Variants in CTNNA2 observed in about 807,000 individuals in gnomAD.
CTNNA2 encodes the protein catenin alpha-2.
A neutral mutation model predicts 101.0 loss-of-function variants in CTNNA2; 42 were observed. That is an observed-to-expected ratio of 0.42 (90% CI 0.32 to 0.54). The LOEUF (loss-of-function observed/expected upper bound fraction) is 0.54. Among genes scored for constraint, CTNNA2 ranks in the 20% least tolerant of loss-of-function variants. The probability of loss-of-function intolerance (pLI) is 0.14; values close to 1 mark genes in which losing one functional copy is unlikely to be tolerated. For synonymous variants in CTNNA2, 450 were observed against 456.4 expected (o/e 0.99, Z 0.18); for missense variants, 871 against 1,223.1 (o/e 0.71, Z 4.29).
rs199975872 is a variant in CTNNA2, at chr2:79,193,875, CA to C, written c.-523-4083del. Among the ~76,000 whole-genome samples the C allele has an allele frequency of 6.3e-3, 963 of 152,272 alleles. 9 individuals are homozygous for C. Among genetic ancestry groups the C allele is most frequent in the African/African-American group, 0.022 (909 of 41,550 alleles). On this transcript the variant is annotated intron_variant, in intron 1 of 21. Transcript: ENST00000466387. ...AGGGATAATAATGGTACCTACTTCA[CA>C]GGGTAGTTTTGAGGATTAAGTGGGT... is the stretch of plus-strand genomic sequence containing the variant.
At chr2:80,260,200 C>T (rs972985478) in intron 7 of CTNNA2, among the ~76,000 whole-genome samples, 2 of 152,148 alleles carry the variant, frequency 1.3e-5, no homozygotes, top group Admixed American at 6.5e-5. Context: ...GCACTCTCAA[C>T]CATCATTGCT....
intron 7 of CTNNA2, among the ~76,000 whole-genome samples, chr2:80,300,955 A>G (rs1157334214): frequency 6.6e-6 from 1 of 152,070 alleles, no homozygotes; most frequent in Non-Finnish European, 1.5e-5. Context: ...CACAGAAAAA[A>G]AAAAAAGGGA....
At chr2:80,101,770 T>C (rs79114546) in intron 7 of CTNNA2, among the ~76,000 whole-genome samples, 1 of 152,114 alleles carries the variant, frequency 6.6e-6, no homozygotes, top group South Asian at 2.1e-4. Context: ...AGTTAATTGA[T>C]TAGAGATACA....
chr2:80,152,062 G>T (rs1703736030), intron 7 of CTNNA2, among the ~76,000 whole-genome samples: 1 of 152,206 alleles, frequency 6.6e-6, no homozygotes, highest in Non-Finnish European at 1.5e-5. Flanking sequence ...CCAATAAAGG[G>T]GAGAGAGGAA....
At chr2:79,497,599 C>T (rs756400204) in intron 4 of CTNNA2, among the ~76,000 whole-genome samples, 3 of 152,144 alleles carry the variant, frequency 2.0e-5, no homozygotes, top group Non-Finnish European at 2.9e-5. Context: ...GTTAACCTAG[C>T]ACACCCATGT....
chr2:80,328,209 T>G (rs914757103), intron 7 of CTNNA2: 3 of 460,056 alleles, frequency 6.5e-6, no homozygotes, highest in African/African-American at 6.0e-5. Flanking sequence ...ACTGCTTTTT[T>G]GGGTTTTGTC....
intron 4 of CTNNA2, among the ~76,000 whole-genome samples, chr2:79,376,748 T>A (rs1292635943): frequency 2.6e-5 from 4 of 152,132 alleles, no homozygotes; most frequent in Admixed American, 6.5e-5. Context: ...TGGTTTTTTG[T>A]CCTTGCGATA....
chr2:79,412,012 A>G (rs1678418725), intron 4 of CTNNA2, among the ~76,000 whole-genome samples: 1 of 151,998 alleles, frequency 6.6e-6, no homozygotes, highest in Admixed American at 6.6e-5. Context: ...TCTCACATGC[A>G]AGACACACAT....
intron 4 of CTNNA2, among the ~76,000 whole-genome samples, chr2:79,423,554 A>G (rs1678560607): frequency 6.6e-6 from 1 of 152,304 alleles, no homozygotes; most frequent in East Asian, 1.9e-4. Flanking sequence ...CTCTCTAGGT[A>G]TTGATATATA....
chr2:80,273,264 C>T (rs747994604), intron 7 of CTNNA2, among the ~76,000 whole-genome samples: 1 of 152,148 alleles, frequency 6.6e-6, no homozygotes, highest in Non-Finnish European at 1.5e-5. Context: ...ATCATGGAAT[C>T]GATTTTTCTT....
rs1202305014 is a variant in CTNNA2, at chr2:79,282,879, G to A, written c.-405-29830G>A. On this transcript the variant is annotated intron_variant, in intron 2 of 21. Coordinates refer to the CTNNA2 transcript ENST00000466387. ...ACTAGTTTACAGGCCCACCAACAGT[G>A]TAAAAGTGTTCCTATTTCTCCACAT... is the stretch of plus-strand genomic sequence containing the variant. Among the ~76,000 whole-genome samples, 5 of 97,014 alleles carry A rather than the reference G, an allele frequency of 5.2e-5. 2 individuals carry two copies. The highest frequency in any genetic ancestry group is 1.5e-4 in the African/African-American group (5 of 34,096). 63.6% of individuals were successfully genotyped at this position (97,014 alleles called of 152,430 possible).
intron 2 of CTNNA2, among the ~76,000 whole-genome samples, chr2:79,695,342 T>C (rs1684589586): frequency 6.6e-6 from 1 of 151,962 alleles, no homozygotes; most frequent in East Asian, 1.9e-4. Context: ...TTATTTCTTA[T>C]GAAGGGTTAC....
chr2:79,287,972 C>T (rs910845802), intron 2 of CTNNA2, among the ~76,000 whole-genome samples: 7 of 152,196 alleles, frequency 4.6e-5, no homozygotes, highest in East Asian at 3.9e-4. Context: ...TTAAGCCGGT[C>T]GGAAAAGCGC....
chr2:79,366,420 T>C (rs948001889), intron 3 of CTNNA2, among the ~76,000 whole-genome samples: 5 of 152,164 alleles, frequency 3.3e-5, no homozygotes, highest in Admixed American at 6.5e-5. Flanking sequence ...CTGTTTGGTG[T>C]GGGTTGTTTT....
At chr2:79,914,071 G>T (rs1248031377) in intron 7 of CTNNA2, among the ~76,000 whole-genome samples, 3 of 149,882 alleles carry the variant, frequency 2.0e-5, no homozygotes, top group African/African-American at 7.3e-5. Flanking sequence ...GGAGGCTGAG[G>T]CAGGAGAATG....
At chr2:80,413,138 T>C (rs541157980) in intron 8 of CTNNA2, among the ~76,000 whole-genome samples, 1 of 152,220 alleles carries the variant, frequency 6.6e-6, no homozygotes, top group African/African-American at 2.4e-5. Context: ...GAGAAAAAAA[T>C]CTAAGGGCAC....
intron 3 of CTNNA2, among the ~76,000 whole-genome samples, chr2:79,784,856 A>T (rs1228176163): frequency 6.6e-6 from 1 of 152,078 alleles, no homozygotes; most frequent in East Asian, 1.9e-4. Flanking sequence ...GCTTTTATCT[A>T]TATAAAGGAA....
intron 7 of CTNNA2, among the ~76,000 whole-genome samples, chr2:80,276,658 A>T (rs1009356434): frequency 1.2e-4 from 17 of 145,698 alleles, no homozygotes; most frequent in Non-Finnish European, 2.2e-4. Flanking sequence ...GAGGAGAAGG[A>T]GGAGGAGGAG....
At chr2:79,959,958 AT>A (rs1689515816) in intron 7 of CTNNA2, among the ~76,000 whole-genome samples, 1 of 152,154 alleles carries the variant, frequency 6.6e-6, no homozygotes, top group Non-Finnish European at 1.5e-5. Context: ...GAATATTCAA[AT>A]TGGCTACATG....
Sources: allele counts gnomAD v4.1 joint callset (sites outside exome capture counted in the v4.1 genomes callset), GRCh38; gene constraint gnomAD v4.1.1; transcripts MANE v1.5; gene names NCBI Gene and HGNC (gene_info 2026-07-23, HGNC 2026-07-21).